The following ELFN2 variants were observed in gnomAD, a reference collection of about 807,000 sequenced individuals.
The protein encoded by ELFN2 is protein phosphatase 1 regulatory subunit 29.
Under a neutral mutation model 45.5 loss-of-function variants are expected in ELFN2, and 17 were observed. The ratio of observed to expected loss-of-function variants is 0.37; its 90% CI spans 0.26 to 0.56. The LOEUF (loss-of-function observed/expected upper bound fraction) is 0.56. Among genes scored for constraint, ELFN2 ranks in the 20% least tolerant of loss-of-function variants. The pLI is 0.77. For missense variants in ELFN2, 922 were observed against 1,183.2 expected (o/e 0.78, Z 3.24); for synonymous variants, 550 against 551.5 (o/e 1.00, Z 0.04).
intron 1 of ELFN2, among the ~76,000 whole-genome samples, chr22:37,344,329 T>C (rs573627831): frequency 1.0e-3 from 156 of 151,044 alleles, no homozygotes; most frequent in Non-Finnish European, 1.4e-3. Context: ...CTACACACAC[T>C]GCTCCCACAG....
chr22:37,377,682 C>T (rs528660700), intron 2 of ELFN2, among the ~76,000 whole-genome samples: 33 of 152,264 alleles, frequency 2.2e-4, no homozygotes, highest in African/African-American at 7.9e-4. Flanking sequence ...CGTCAGAGGC[C>T]ATCAGAGGCT....
intron 2 of ELFN2, among the ~76,000 whole-genome samples, chr22:37,414,144 C>T (rs1405722035): frequency 6.6e-6 from 1 of 152,088 alleles, no homozygotes; most frequent in Non-Finnish European, 1.5e-5. Context: ...ATTCAAGGTA[C>T]TTGAGATAGA....
intron 2 of ELFN2, among the ~76,000 whole-genome samples, chr22:37,410,533 C>T (rs1056302382): frequency 1.8e-4 from 28 of 152,162 alleles, no homozygotes; most frequent in African/African-American, 5.6e-4. Context: ...CTGAGGGCAG[C>T]GTCCAGGTCA....
At position 37,417,460 on chromosome 22, in the gene ELFN2, C is replaced by T. The variant is rs1471154824; in HGVS notation, c.-463+309G>A. On this transcript the variant is annotated intron_variant, in intron 2 of 2. Transcript: ENST00000402918. This position sits in a 1 kb window ranked among gnomAD's most constrained non-coding sequence, Gnocchi z 4.5. ...CTGCTGGAGTGCAGACTAAGCCTGC[C>T]TCAGCCTCTCTGCCGGGTGATGGGG... Among the ~76,000 whole-genome samples, 2 of 152,234 alleles carry T rather than the reference C, an allele frequency of 1.3e-5. No individual in the cohort carries two copies. Among genetic ancestry groups the T allele is most frequent in the Non-Finnish European group, 2.9e-5 (2 of 68,040 alleles).
chr22:37,425,825 G>T (rs931601572), intron 1 of ELFN2, among the ~76,000 whole-genome samples: 1 of 151,600 alleles, frequency 6.6e-6, no homozygotes, highest in Non-Finnish European at 1.5e-5. Flanking sequence ...TCCCACAGGT[G>T]TCCACGGGCC....
At chr22:37,403,267 C>T (rs1258274902) in intron 2 of ELFN2, among the ~76,000 whole-genome samples, 2 of 151,754 alleles carry the variant, frequency 1.3e-5, no homozygotes, top group Admixed American at 6.6e-5. Context: ...AGGGACTTGC[C>T]CAAGGTCCCA....
At chr22:37,410,945 G>A (rs564887681) in intron 2 of ELFN2, among the ~76,000 whole-genome samples, 19 of 152,204 alleles carry the variant, frequency 1.2e-4, no homozygotes, top group Admixed American at 9.8e-4. Flanking sequence ...GCCCCAGCCT[G>A]TCTCCAGCAG....
At chr22:37,342,272 C>T (rs969495386) in intron 2 of ELFN2, among the ~76,000 whole-genome samples, 13 of 152,192 alleles carry the variant, frequency 8.5e-5, no homozygotes, top group African/African-American at 3.1e-4. Context: ...TGCAAATGAT[C>T]CAGCTCCTCC....
Position 37,379,212 on chromosome 22 carries a change from G to A in ELFN2, c.-462-3216C>T, listed in dbSNP as rs142328453. On this transcript the variant is annotated intron_variant, in intron 2 of 2. Transcript: ENST00000402918. Reference sequence around the variant, plus strand: ...GTGAGCTATCTAGATGATAGATGGGGGGCGCAGGGGACACGGGCACCTGCT... The same window carrying A: ...GTGAGCTATCTAGATGATAGATGGGAGGCGCAGGGGACACGGGCACCTGCT... Among the ~76,000 whole-genome samples, 714 of 152,314 alleles carry A rather than the reference G, an allele frequency of 4.7e-3. 8 individuals are homozygous for A. The highest frequency in any genetic ancestry group is 0.017 in the African/African-American group (693 of 41,566).
chr22:37,423,947 G>C (rs133726), intron 1 of ELFN2, among the ~76,000 whole-genome samples: 1 of 152,140 alleles, frequency 6.6e-6, no homozygotes, highest in Admixed American at 6.5e-5. Context: ...AATTTAATCA[G>C]GGATTGGGCT....
Position 37,374,669 on chromosome 22 carries a change from G to A in ELFN2, c.866C>T (p.Ser289Phe), listed in dbSNP as rs1307065195. ...TGGCCCTGCCGACGCATCCGTGGTGGACGAGGCCGGCGGCTCCACCGAAAG... is the reference window on the plus strand; with the variant it reads ...TGGCCCTGCCGACGCATCCGTGGTGAACGAGGCCGGCGGCTCCACCGAAAG... ...EILSVEPPAS[S>F]TTDASAGPAI... Residue 289 changes from serine (S) to phenylalanine (F), a missense_variant, in exon 3 of 3, where the codon TCC becomes TTC. By Grantham distance (155) the Ser-to-Phe change is radical (BLOSUM62 -2). This residue lies in a region of ELFN2 where 358 missense variants were observed against 540.4 expected (regional missense o/e 0.66). Coordinates refer to ENST00000402918, the MANE Select transcript of ELFN2 (RefSeq NM_052906.5). 2 of 1,612,510 alleles carry A rather than the reference G, an allele frequency of 1.2e-6. No homozygotes were observed. Among genetic ancestry groups the A allele is most frequent in the East Asian group, 2.2e-5 (1 of 44,822 alleles).
downstream of ELFN2, among the ~76,000 whole-genome samples, chr22:37,365,460 C>T (rs1011829018): frequency 2.6e-5 from 4 of 152,092 alleles, no homozygotes; most frequent in East Asian, 1.9e-4. Flanking sequence ...AGCCCTGCTG[C>T]GGGGAAGAAC....
Position 37,375,073 on chromosome 22 carries a change from G to C in ELFN2, c.462C>G (p.Ile154Met). 6.2e-7 allele frequency: 1 copy of C among 1,613,694 alleles called. No individual in the cohort carries two copies. Among genetic ancestry groups the C allele is most frequent in the South Asian group, 1.1e-5 (1 of 91,080 alleles). The change falls in exon 3 of 3, where the codon ATC (isoleucine) becomes ATG (methionine). Residue 154 changes from isoleucine (I) to methionine (M), a missense_variant. Physicochemically the swap from Ile to Met is conservative, Grantham distance 10 (BLOSUM62 1). Around this residue, in one of 2 missense-constraint regions of ELFN2, gnomAD observed 358 missense variants for 540.4 expected, o/e 0.66. Transcript: ENST00000402918. ...PTAFSECPSL[I>M]SIDLSSNRLS... Reference sequence around the variant, plus strand: ...GGCGGTTGGAGGACAGGTCGATGCTGATGAGGCTCGGGCACTCGGAGAAGG... The same window carrying C: ...GGCGGTTGGAGGACAGGTCGATGCTCATGAGGCTCGGGCACTCGGAGAAGG...
downstream of ELFN2, among the ~76,000 whole-genome samples, chr22:37,364,381 G>A (rs1433321690): frequency 1.3e-5 from 2 of 152,200 alleles, no homozygotes; most frequent in African/African-American, 2.4e-5. Flanking sequence ...AAGAGCCGGG[G>A]GTGCAGAGCA....
chr22:37,394,924 G>A (rs900318934), intron 2 of ELFN2, among the ~76,000 whole-genome samples: 7 of 151,902 alleles, frequency 4.6e-5, no homozygotes, highest in Non-Finnish European at 8.8e-5. Flanking sequence ...CCAACATAGC[G>A]AAACCCCGTC....
rs1332747781 is a variant in ELFN2 at position 37,370,971 on chromosome 22, G to A, written c.*2101C>T. 6.9e-6 allele frequency: 1 copy of A among 145,680 alleles called. No individual in the cohort carries two copies. The highest frequency in any genetic ancestry group is 6.9e-5 in the Admixed American group (1 of 14,538). 9.0% of individuals were successfully genotyped at this position (145,680 alleles called of 1,614,324 possible). On this transcript the variant is annotated 3_prime_UTR_variant, in exon 3 of 3. Coordinates refer to ENST00000402918, the MANE Select transcript of ELFN2 (RefSeq NM_052906.5). ...TTGTGCCAAGGGGGTGTGAGGAGGG[G>A]TTGGGGGGCAGGTTTTGGGGGCCGG...
chr22:37,366,450 C>T (rs1314630482), downstream of ELFN2, among the ~76,000 whole-genome samples: 2 of 152,218 alleles, frequency 1.3e-5, no homozygotes, highest in Non-Finnish European at 2.9e-5. Flanking sequence ...CTTGGACTCT[C>T]GAGGTTCGTT....
chr22:37,422,760 AT>A (rs1291003969), intron 1 of ELFN2, among the ~76,000 whole-genome samples: 1 of 150,652 alleles, frequency 6.6e-6, no homozygotes, highest in African/African-American at 2.4e-5. Flanking sequence ...TGCCCGAATA[AT>A]TTTTTGTATT....
Position 37,373,311 on chromosome 22 carries a change from T to C in ELFN2, c.2224A>G (p.Thr742Ala). 3 of 1,613,448 alleles carry C rather than the reference T, an allele frequency of 1.9e-6. No homozygotes were observed. Among genetic ancestry groups the C allele is most frequent in the Non-Finnish European group, 2.5e-6 (3 of 1,179,938 alleles). Residue 742 changes from threonine to alanine, a missense_variant, in exon 3 of 3, where the codon ACC (threonine) becomes GCC (alanine). Thr to Ala is a moderately conservative substitution (Grantham distance 58). Around this residue, in one of 2 missense-constraint regions of ELFN2, gnomAD observed 564 missense variants for 642.8 expected, o/e 0.88. Transcript: ENST00000402918. Reference sequence around the variant, plus strand: ...TGTCTGGGGGAGAGCTGCGAGTAGGTGGAGTCACGCTTGGAGCGGGTCAGC... The same window carrying C: ...TGTCTGGGGGAGAGCTGCGAGTAGGCGGAGTCACGCTTGGAGCGGGTCAGC... ...KPLTRSKRDS[T>A]YSQLSPRHYY...
Sources: allele counts gnomAD v4.1 joint callset (sites outside exome capture counted in the v4.1 genomes callset), GRCh38; gene constraint gnomAD v4.1.1; regional missense constraint gnomAD v4.1.1; non-coding constraint Gnocchi (gnomAD v3.1); transcripts MANE v1.5; gene names NCBI Gene and HGNC (gene_info 2026-07-23, HGNC 2026-07-21).